MYH3: variants seen among roughly 807,000 people sequenced by gnomAD.
MYH3 encodes myosin-3.
A neutral mutation model predicts 238.0 loss-of-function variants in MYH3; 130 were observed. The observed-to-expected ratio is 0.55, with a 90% confidence interval of 0.47 to 0.63. The LOEUF (loss-of-function observed/expected upper bound fraction) is 0.63. MYH3 is among the 30% of genes least tolerant of loss of function. The probability of loss-of-function intolerance (pLI) is 0.00; values close to 1 mark genes in which losing one functional copy is unlikely to be tolerated. For synonymous variants in MYH3, 880 were observed against 924.1 expected (o/e 0.95, Z 0.86); for missense variants, 1,853 against 2,374.9 (o/e 0.78, Z 4.57).
chr17:10,675,269 C>T, the MYH3 span: 1 of 152,762 alleles, frequency 6.5e-6, no homozygotes, highest in Non-Finnish European at 1.5e-5. Flanking sequence ...GTTGCTGAAG[C>T]TTGCTGACAC....
chr17:10,664,849 A>G, the MYH3 span, among the ~76,000 whole-genome samples: 1 of 152,206 alleles, frequency 6.6e-6, no homozygotes, highest in South Asian at 2.1e-4. Context: ...CCAAGGACAA[A>G]AAAAGGAGGC....
chr17:10,632,329 G>T, intron 34 of MYH3, 147 bp downstream of exon 34: 1 of 967,402 alleles, frequency 1.0e-6, no homozygotes, highest in African/African-American at 1.6e-5. Flanking sequence ...ATATTGCCCA[G>T]GCTGGTATCA....
intron 2 of MYH3, among the ~76,000 whole-genome samples, chr17:10,655,840 C>T (rs528264060): frequency 9.9e-5 from 15 of 152,182 alleles, no homozygotes; most frequent in East Asian, 1.9e-4. Flanking sequence ...TTAGTAGAGA[C>T]GGGGTTTCAC....
intron 30 of MYH3, 74 bp from the exon 31 acceptor site, chr17:10,635,097 G>GA: frequency 6.7e-7 from 1 of 1,495,720 alleles, no homozygotes. Flanking sequence ...CATCAAGTTG[G>GA]AATCACTAAT....
At position 10,635,753 on chromosome 17, in the gene MYH3, C is replaced by A; in HGVS notation, c.3957G>T (p.Gln1319His). The change falls in exon 29 of 41, where the codon CAG (glutamine) becomes CAT (histidine). Residue 1319 changes from glutamine to histidine, a missense_variant. This residue lies in a region of MYH3 where 1,044 missense variants were observed against 1,192.6 expected (regional missense o/e 0.88). Coordinates refer to ENST00000583535, the MANE Select transcript of MYH3 (RefSeq NM_002470.4). ...GGTGTACCTTGTTCTCTTCCTCCAG[C>A]TGCCTCTTGAGCTCTTCTGTTTGCT... The part of the protein sequence containing the change: ...FTQQTEELKR[Q>H]LEEENKAKNA... 1 of 1,614,090 alleles carries A rather than the reference C, an allele frequency of 6.2e-7. No individual in the cohort carries two copies. Among genetic ancestry groups the A allele is most frequent in the Non-Finnish European group, 8.5e-7 (1 of 1,179,954 alleles).
At chr17:10,645,532 A>G (rs1041112750) in intron 12 of MYH3, among the ~76,000 whole-genome samples, 175 bp downstream of exon 12, 1 of 151,912 alleles carries the variant, frequency 6.6e-6, no homozygotes, top group Non-Finnish European at 1.5e-5. Context: ...CATGTTGGCC[A>G]TGCTGGTCTC....
chr17:10,655,407 C>T (rs935891752), intron 2 of MYH3, among the ~76,000 whole-genome samples: 1 of 152,212 alleles, frequency 6.6e-6, no homozygotes, highest in African/African-American at 2.4e-5. Flanking sequence ...GCTTCTGTGA[C>T]AACCAGGTGT....
chr17:10,677,803 G>A, the MYH3 span: 1 of 152,182 alleles, frequency 6.6e-6, no homozygotes, highest in Non-Finnish European at 1.5e-5. Context: ...GTAAAGATTT[G>A]CAAGGGATAT....
rs1282222200 is a variant in MYH3 at position 10,647,186 on chromosome 17, G to C, written c.894C>G (p.Leu298=). The C allele has an allele frequency of 1.9e-6, 3 of 1,613,324 alleles. No homozygotes were observed. In the African/African-American group the frequency reaches 4.0e-5, roughly 22 times the overall value. Reference sequence around the variant, plus strand: ...CCCCACTGGTGACTTCCTCACCTATGAGCTCAGGCTTCTTGTTAGAAAGAA... The same window carrying C: ...CCCCACTGGTGACTTCCTCACCTATCAGCTCAGGCTTCTTGTTAGAAAGAA... ...YQILSNKKPE[L]IELLLITTNP... Residue 298 remains leucine, a synonymous_variant, in exon 10 of 41, where the codon CTC becomes CTG. Transcript: ENST00000583535.
chr17:10,639,888 A>G lies in MYH3; in HGVS notation c.2683-86T>C, dbSNP rs538530966. The G allele has an allele frequency of 7.5e-6, 12 of 1,593,286 alleles. No individual in the cohort carries two copies. The South Asian group carries it at 1.4e-4, about 18-fold the overall frequency. ...TTCACTATATATGAAGTTCTTTATG[A>G]AGCATTTCAACTAAAAAGCAAAAAT... On this transcript the variant is annotated intron_variant, in intron 22 of 40. Transcript: ENST00000583535.
intron 25 of MYH3, 33 bp from the exon 26 acceptor site, chr17:10,638,996 A>G: frequency 6.2e-7 from 1 of 1,614,174 alleles, no homozygotes; most frequent in Non-Finnish European, 8.5e-7. Flanking sequence ...CATGAAGACA[A>G]AATACACAGT....
chr17:10,651,495 C>T lies in MYH3; in HGVS notation c.505+17G>A. 2 of 1,612,966 alleles carry T rather than the reference C, an allele frequency of 1.2e-6. No homozygotes were observed. The highest frequency in any genetic ancestry group is 1.7e-6 in the Non-Finnish European group (2 of 1,179,682). ...GTGCCTGCTCCAGCATCCCATGCTT[C>T]CTCCTGGGAAACTCACCAGTCAGCA... On this transcript the variant is annotated intron_variant, in intron 5 of 40. Coordinates refer to ENST00000583535, the MANE Select transcript of MYH3 (RefSeq NM_002470.4).
At chr17:10,669,477 G>A in the MYH3 span, among the ~76,000 whole-genome samples, 1 of 151,318 alleles carries the variant, frequency 6.6e-6, no homozygotes, top group Non-Finnish European at 1.5e-5. Flanking sequence ...TGAGGCAGGA[G>A]AATCGCTTGA....
the MYH3 span, among the ~76,000 whole-genome samples, chr17:10,667,752 TA>T: frequency 2.3e-4 from 34 of 146,200 alleles, no homozygotes; most frequent in Non-Finnish European, 4.4e-4. Flanking sequence ...GATATAGCGT[TA>T]AAAAAAAAAC....
the MYH3 span, among the ~76,000 whole-genome samples, chr17:10,664,868 C>T: frequency 6.6e-6 from 1 of 152,104 alleles, no homozygotes; most frequent in African/African-American, 2.4e-5. Context: ...GCAGGCATGG[C>T]CCAGGACCTT....
At chr17:10,651,690 C>T (rs1024775008) in intron 4 of MYH3, 22 bp from the exon 5 acceptor site, 6 of 1,612,088 alleles carry the variant, frequency 3.7e-6, no homozygotes, top group Non-Finnish European at 5.1e-6. Context: ...AAAACATATA[C>T]GTGCGTATAT....
At chr17:10,650,773 G>A (rs1159460425) in intron 5 of MYH3, among the ~76,000 whole-genome samples, 1 of 152,110 alleles carries the variant, frequency 6.6e-6, no homozygotes. Context: ...ACTTATCGGA[G>A]TCACCATTCT....
chr17:10,673,825 T>C, the MYH3 span: 8 of 152,370 alleles, frequency 5.3e-5, no homozygotes, highest in Non-Finnish European at 8.8e-5. Context: ...CTTGGTATAC[T>C]GTGCTGAATA....
chr17:10,642,763 G>C lies in MYH3; in HGVS notation c.1582-40C>G. ...AGGCAAAGTGCAGAGAGGTAAATATGAGCTGCAGTAATGAGCAGAAGAGTC... is the reference window on the plus strand; with the variant it reads ...AGGCAAAGTGCAGAGAGGTAAATATCAGCTGCAGTAATGAGCAGAAGAGTC... On this transcript the variant is annotated intron_variant, in intron 15 of 40. Transcript: ENST00000583535. This position sits in a 1 kb window ranked among gnomAD's most constrained non-coding sequence, Gnocchi z 5.4. 6.2e-7 allele frequency: 1 copy of C among 1,614,178 alleles called. No individual in the cohort carries two copies. Among genetic ancestry groups the C allele is most frequent in the Non-Finnish European group, 8.5e-7 (1 of 1,180,040 alleles).
Sources: allele counts gnomAD v4.1 joint callset (sites outside exome capture counted in the v4.1 genomes callset), GRCh38; gene constraint gnomAD v4.1.1; regional missense constraint gnomAD v4.1.1; non-coding constraint Gnocchi (gnomAD v3.1); transcripts MANE v1.5; gene names NCBI Gene and HGNC (gene_info 2026-07-23, HGNC 2026-07-21).